The following EPHA6 variants were observed in gnomAD, a reference collection of about 807,000 sequenced individuals.
EPHA6 encodes the protein EPH receptor A6, also known as ephrin type-A receptor 6.
A neutral mutation model predicts 112.0 loss-of-function variants in EPHA6; 50 were observed. The ratio of observed to expected loss-of-function variants is 0.45; its 90% CI spans 0.36 to 0.56. EPHA6 has a LOEUF of 0.56. Among genes scored for constraint, EPHA6 ranks in the 20% least tolerant of loss-of-function variants. The pLI is 0.00. For missense variants in EPHA6, 1,280 were observed against 1,417.4 expected, an observed-to-expected ratio of 0.90 and a Z score of 1.56; for synonymous variants, 529 against 490.7, an observed-to-expected ratio of 1.08 and a Z score of -1.03.
chr3:97,634,596 TA>T (rs1225631597), intron 13 of EPHA6, among the ~76,000 whole-genome samples: 1 of 152,046 alleles, frequency 6.6e-6, no homozygotes, highest in Non-Finnish European at 1.5e-5. Context: ...TGATAGCCCT[TA>T]ACCGAATCAC....
intron 7 of EPHA6, among the ~76,000 whole-genome samples, chr3:97,454,007 G>A (rs1020220664): frequency 6.6e-6 from 1 of 151,584 alleles, no homozygotes; most frequent in African/African-American, 2.4e-5. Context: ...CATTTCTATC[G>A]ATTTCTGCAA....
chr3:97,456,382 C>T (rs1242261490), intron 7 of EPHA6, among the ~76,000 whole-genome samples: 1 of 152,052 alleles, frequency 6.6e-6, no homozygotes, highest in African/African-American at 2.4e-5. Flanking sequence ...CATCTTATAA[C>T]TGAAGACTTG....
At chr3:97,344,460 G>T (rs905534517) in intron 5 of EPHA6, among the ~76,000 whole-genome samples, 2 of 152,090 alleles carry the variant, frequency 1.3e-5, no homozygotes, top group African/African-American at 4.8e-5. Context: ...AGAGACACAC[G>T]AGAGCTTGCT....
chr3:97,013,040 G>A (rs777251294), intron 3 of EPHA6, among the ~76,000 whole-genome samples: 2 of 152,080 alleles, frequency 1.3e-5, no homozygotes, highest in Non-Finnish European at 2.9e-5. Context: ...CTCCCATTCT[G>A]TAGGTTGTCT....
intron 2 of EPHA6, among the ~76,000 whole-genome samples, chr3:96,886,458 C>G (rs1451796808): frequency 6.6e-6 from 1 of 152,124 alleles, no homozygotes; most frequent in Non-Finnish European, 1.5e-5. Context: ...ACTGCTGTTG[C>G]TTTAAAGTTT....
At chr3:97,253,115 T>C (rs1249447911) in intron 5 of EPHA6, among the ~76,000 whole-genome samples, 1 of 152,152 alleles carries the variant, frequency 6.6e-6, no homozygotes, top group Non-Finnish European at 1.5e-5. Flanking sequence ...AAAAACAAAA[T>C]TAAATATATA....
At chr3:97,166,110 A>G (rs941382118) in intron 3 of EPHA6, among the ~76,000 whole-genome samples, 5 of 152,232 alleles carry the variant, frequency 3.3e-5, no homozygotes, top group Non-Finnish European at 4.4e-5. Flanking sequence ...TTGTAGAAGC[A>G]ATTACTCTCC....
chr3:96,930,484 T>C (rs779060891), intron 2 of EPHA6, among the ~76,000 whole-genome samples: 8 of 152,322 alleles, frequency 5.3e-5, no homozygotes, highest in Non-Finnish European at 1.0e-4. Flanking sequence ...GTGGGTCCCC[T>C]CTATACCAAG....
chr3:97,638,043 A>G lies in EPHA6; in HGVS notation c.2745A>G (p.Arg915=). 6.2e-7 allele frequency: 1 copy of G among 1,613,894 alleles called. No individual in the cohort carries two copies. Among genetic ancestry groups the G allele is most frequent in the Non-Finnish European group, 8.5e-7 (1 of 1,179,846 alleles). The stretch of plus-strand genomic sequence containing the variant: ...AAGTTTCTGATTTTGGTCTCTCCAG[A>G]GTGCTGGAAGATGATCCAGAAGCTG... ...VCKVSDFGLS[R]VLEDDPEAAY... The change falls in exon 14 of 18, where the codon AGA becomes AGG. Residue 915 remains arginine (R), a synonymous_variant. Transcript: ENST00000389672.
At chr3:97,501,534 A>G (rs1195335283) in intron 10 of EPHA6, among the ~76,000 whole-genome samples, 1 of 152,020 alleles carries the variant, frequency 6.6e-6, no homozygotes, top group African/African-American at 2.4e-5. Flanking sequence ...AATTTAAAAT[A>G]TTTTAAAATA....
At chr3:96,884,353 C>T (rs531732330) in intron 2 of EPHA6, among the ~76,000 whole-genome samples, 60 of 152,212 alleles carry the variant, frequency 3.9e-4, no homozygotes, top group Non-Finnish European at 6.6e-4. Flanking sequence ...TCCATGAGCA[C>T]GGGATGTGTT....
intron 5 of EPHA6, among the ~76,000 whole-genome samples, chr3:97,355,074 G>C (rs2084000697): frequency 6.6e-6 from 1 of 152,104 alleles, no homozygotes. Flanking sequence ...CAAAAGCTGA[G>C]GAGTTTCATC....
chr3:97,742,400 T>G (rs533655691), intron 16 of EPHA6, among the ~76,000 whole-genome samples: 2 of 152,288 alleles, frequency 1.3e-5, no homozygotes, highest in South Asian at 4.1e-4. Flanking sequence ...TATGGGAAAT[T>G]CTTTATAAGT....
At chr3:97,594,227 C>T (rs2093568461) in intron 12 of EPHA6, among the ~76,000 whole-genome samples, 1 of 152,194 alleles carries the variant, frequency 6.6e-6, no homozygotes, top group Admixed American at 6.5e-5. Context: ...TTCAACATCA[C>T]TGTTAGAAAA....
At chr3:97,087,905 C>G (rs187729742) in intron 3 of EPHA6, among the ~76,000 whole-genome samples, 1 of 151,972 alleles carries the variant, frequency 6.6e-6, no homozygotes, top group African/African-American at 2.4e-5. Flanking sequence ...TTTTTTCGGC[C>G]GGGCACAGTG....
At position 97,643,934 on chromosome 3, in the gene EPHA6, A is replaced by G. The variant is rs1330220821; in HGVS notation, c.2784+5852A>G. Among the ~76,000 whole-genome samples the G allele has an allele frequency of 3.1e-3, 464 of 151,012 alleles. 2 individuals are homozygous for G. The highest frequency in any genetic ancestry group is 0.01 in the African/African-American group (417 of 41,080). ...AATTGAACTCAGCTCTGCACCAAGC[A>G]GACCTAATAGACATCTACAGAACTC... On this transcript the variant is annotated intron_variant, in intron 14 of 17. Coordinates refer to ENST00000389672, the MANE Select transcript of EPHA6 (RefSeq NM_001080448.3).
chr3:97,207,409 C>T (rs2077742997), intron 3 of EPHA6, among the ~76,000 whole-genome samples: 1 of 152,044 alleles, frequency 6.6e-6, no homozygotes, highest in Non-Finnish European at 1.5e-5. Context: ...GGAATCAAAC[C>T]ACTGCAAAAC....
intron 5 of EPHA6, among the ~76,000 whole-genome samples, chr3:97,310,118 T>C (rs2108749786): frequency 6.6e-6 from 1 of 151,712 alleles, no homozygotes; most frequent in South Asian, 2.1e-4. Context: ...AAAGCCAAAA[T>C]CTTTATCCCT....
chr3:97,643,890 G>C (rs1284802349), intron 14 of EPHA6, among the ~76,000 whole-genome samples: 1 of 150,606 alleles, frequency 6.6e-6, no homozygotes, highest in Non-Finnish European at 1.5e-5. Context: ...GAGACAGAAA[G>C]TCAACAAGGA....
Sources: gnomAD v4.1 joint callset for allele counts (sites outside exome capture counted in the v4.1 genomes callset) on GRCh38, gnomAD v4.1.1 for gene constraint, MANE v1.5 for transcripts, NCBI Gene and HGNC (gene_info 2026-07-23, HGNC 2026-07-21) for gene names.